Variants in EXT1 observed in about 807,000 individuals in gnomAD.
The protein encoded by EXT1 is exostosin-1.
A neutral mutation model predicts 82.5 loss-of-function variants in EXT1; 20 were observed. That is an observed-to-expected ratio of 0.24 (90% CI 0.17 to 0.35). EXT1 has a LOEUF of 0.35. Ranked by LOEUF, EXT1 falls within the 10% of genes least tolerant of loss-of-function variation. The probability of loss-of-function intolerance (pLI) is 1.00; values close to 1 mark genes in which losing one functional copy is unlikely to be tolerated. For missense variants in EXT1, 757 were observed against 936.5 expected, an observed-to-expected ratio of 0.81 and a Z score of 2.50; for synonymous variants, 348 against 350.8, an observed-to-expected ratio of 0.99 and a Z score of 0.09.
chr8:118,093,483 C>A (rs559434402), intron 1 of EXT1, among the ~76,000 whole-genome samples: 46 of 152,114 alleles, frequency 3.0e-4, no homozygotes, highest in South Asian at 2.3e-3. Context: ...GTTAGAGAAC[C>A]CTCTGTATAA....
In EXT1 at chr8:117,940,949, C is replaced by T. The variant is rs17453309; in HGVS notation, c.963-103748G>A. 5.1e-3 allele frequency among the ~76,000 whole-genome samples: 781 copies of T among 152,258 alleles called. 1 individual carries two copies. The highest frequency in any genetic ancestry group is 8.7e-3 in the Non-Finnish European group (594 of 68,018). ...GTTAGTTACTGACTGATATGGGGGT[C>T]TCCATGGGGCCATACATGCCATTCA... On this transcript the variant is annotated intron_variant, in intron 1 of 10. Coordinates refer to ENST00000378204, the MANE Select transcript of EXT1 (RefSeq NM_000127.3).
At chr8:117,992,422 C>T (rs1180519682) in intron 1 of EXT1, among the ~76,000 whole-genome samples, 5 of 146,436 alleles carry the variant, frequency 3.4e-5, no homozygotes, top group Non-Finnish European at 7.5e-5. Flanking sequence ...AACGGGACCT[C>T]CTCCTTTCAA....
chr8:117,946,119 G>C (rs557028174), intron 1 of EXT1, among the ~76,000 whole-genome samples: 40 of 152,222 alleles, frequency 2.6e-4, no homozygotes, highest in African/African-American at 9.1e-4. Flanking sequence ...GGCTGGTCTC[G>C]AACTTCTGAC....
chr8:117,915,005 C>G (rs1330434161), intron 1 of EXT1, among the ~76,000 whole-genome samples: 1 of 152,140 alleles, frequency 6.6e-6, no homozygotes, highest in Admixed American at 6.6e-5. Context: ...ACACCCTCTC[C>G]CCTTTTGAAA....
chr8:118,031,218 A>G (rs1816311146), intron 1 of EXT1, among the ~76,000 whole-genome samples: 1 of 152,224 alleles, frequency 6.6e-6, no homozygotes, highest in Non-Finnish European at 1.5e-5. Context: ...CATTCAATAA[A>G]ATATACAAAT....
At position 117,855,510 on chromosome 8, in the gene EXT1, ATG is replaced by A. The variant is rs1357180222; in HGVS notation, c.963-18311_963-18310del. Among the ~76,000 whole-genome samples, 5 of 152,162 alleles carry A rather than the reference ATG, an allele frequency of 3.3e-5. No individual in the cohort carries two copies. The East Asian group carries it at 9.6e-4, about 29-fold the overall frequency. ...CATATTAAGATGGTGAACTTGAAAA[ATG>A]TGTGTGTTCTGACTATGCTACCAAC... is the stretch of plus-strand genomic sequence containing the variant. On this transcript the variant is annotated intron_variant, in intron 1 of 10. Coordinates refer to ENST00000378204, the MANE Select transcript of EXT1 (RefSeq NM_000127.3).
At chr8:117,980,708 T>G (rs200912693) in intron 1 of EXT1, among the ~76,000 whole-genome samples, 215 of 15,328 alleles carry the variant, frequency 0.014, 28 homozygotes, top group Middle Eastern at 0.091. Flanking sequence ...GTTTTTTTTT[T>G]TTTTTTTTTT....
chr8:117,802,899 T>A (rs984921368), intron 10 of EXT1, among the ~76,000 whole-genome samples: 3 of 152,200 alleles, frequency 2.0e-5, no homozygotes, highest in African/African-American at 7.2e-5. Flanking sequence ...AAGTACTAAA[T>A]AACTTTTTAT....
At chr8:117,952,614 T>C (rs1814511446) in intron 1 of EXT1, among the ~76,000 whole-genome samples, 1 of 152,066 alleles carries the variant, frequency 6.6e-6, no homozygotes, top group Non-Finnish European at 1.5e-5. Flanking sequence ...ACACAAAAAT[T>C]AGCTGGGTGT....
At chr8:118,078,153 T>C (rs1276468613) in intron 1 of EXT1, among the ~76,000 whole-genome samples, 1 of 152,216 alleles carries the variant, frequency 6.6e-6, no homozygotes, top group Non-Finnish European at 1.5e-5. Context: ...TATGTATCTG[T>C]TGAAGAAGAA....
At chr8:118,030,192 T>C (rs1214567951) in intron 1 of EXT1, among the ~76,000 whole-genome samples, 1 of 147,942 alleles carries the variant, frequency 6.8e-6, no homozygotes, top group Non-Finnish European at 1.5e-5. Flanking sequence ...TTGAGAGAGG[T>C]GATTTTGTGA....
chr8:117,799,389 T>G lies in EXT1; in HGVS notation c.*323A>C. 1 of 326,818 alleles carries G rather than the reference T, an allele frequency of 3.1e-6. No homozygotes were observed. Among genetic ancestry groups the G allele is most frequent in the South Asian group, 5.0e-5 (1 of 20,118 alleles). 20.2% of individuals were successfully genotyped at this position (326,818 alleles called of 1,614,324 possible). On this transcript the variant is annotated 3_prime_UTR_variant, in exon 11 of 11. Coordinates refer to ENST00000378204, the MANE Select transcript of EXT1 (RefSeq NM_000127.3). Reference sequence around the variant, plus strand: ...TTTGATTAAACAAAGAACTCTGGTTTTTAATAGTTTTGATCATTAAAAAAG... The same window carrying G: ...TTTGATTAAACAAAGAACTCTGGTTGTTAATAGTTTTGATCATTAAAAAAG...
chr8:117,879,307 TC>T (rs1381633964), intron 1 of EXT1, among the ~76,000 whole-genome samples: 1 of 152,154 alleles, frequency 6.6e-6, no homozygotes, highest in Non-Finnish European at 1.5e-5. Context: ...TCATAATTTC[TC>T]CCCAGACCAG....
At chr8:118,011,743 T>G (rs1278741993) in intron 1 of EXT1, among the ~76,000 whole-genome samples, 1 of 152,192 alleles carries the variant, frequency 6.6e-6, no homozygotes, top group Non-Finnish European at 1.5e-5. Context: ...CATTTGGTTT[T>G]CCCAAGATCG....
intron 3 of EXT1, 115 bp from the exon 4 acceptor site, chr8:117,830,464 T>C: frequency 3.5e-6 from 4 of 1,129,934 alleles, no homozygotes; most frequent in South Asian, 1.5e-5. Flanking sequence ...GCTTCTAGCA[T>C]ATAGATCTAC....
intron 1 of EXT1, among the ~76,000 whole-genome samples, chr8:118,089,744 C>T (rs1030644430): frequency 2.6e-5 from 4 of 152,162 alleles, no homozygotes; most frequent in Non-Finnish European, 4.4e-5. Context: ...GAGATGAAAA[C>T]TCTTATGTGC....
At chr8:118,070,226 CTGTGTGTGTGTGTGTG>C (rs36229782) in intron 1 of EXT1, among the ~76,000 whole-genome samples, 3,167 of 133,444 alleles carry the variant, frequency 0.024, 111 homozygotes, top group African/African-American at 0.077. Flanking sequence ...TCATAAATTT[CTGTGTGTGTGTGTGTG>C]TGTGTGTGTG....
chr8:118,051,030 T>C (rs1816708354), intron 1 of EXT1, among the ~76,000 whole-genome samples: 1 of 152,168 alleles, frequency 6.6e-6, no homozygotes, highest in Non-Finnish European at 1.5e-5. Context: ...GTATAATCCA[T>C]ACACACAAAT....
intron 1 of EXT1, among the ~76,000 whole-genome samples, chr8:117,953,639 GT>G (rs1814533013): frequency 6.6e-6 from 1 of 152,010 alleles, no homozygotes. Context: ...ATTAGAGTGT[GT>G]TATGCAGCCA....
Sources: gnomAD v4.1 joint callset for allele counts (sites outside exome capture counted in the v4.1 genomes callset) on GRCh38, gnomAD v4.1.1 for gene constraint, MANE v1.5 for transcripts, NCBI Gene and HGNC (gene_info 2026-07-23, HGNC 2026-07-21) for gene names.